The following ADARB2 variants were observed in gnomAD, a reference collection of about 807,000 sequenced individuals.
ADARB2 encodes adenosine deaminase RNA specific B2 (inactive).
In ADARB2, 25 loss-of-function variants were observed where a neutral mutation model predicts 62.2. That is an observed-to-expected ratio of 0.40 (90% CI 0.29 to 0.56). The LOEUF is 0.56. ADARB2 is among the 20% of genes least tolerant of loss of function. The pLI is 0.43. For synonymous variants in ADARB2, 572 were observed against 500.8 expected (o/e 1.14, Z -1.90); for missense variants, 1,071 against 1,077.4 (o/e 0.99, Z 0.08).
intron 1 of ADARB2, among the ~76,000 whole-genome samples, chr10:1,513,448 G>A (rs933223861): frequency 6.6e-6 from 1 of 152,160 alleles, no homozygotes; most frequent in Non-Finnish European, 1.5e-5. Flanking sequence ...TAGCGATGAC[G>A]GCCGTCCTCC....
chr10:1,396,456 G>A (rs1832614374), intron 1 of ADARB2, among the ~76,000 whole-genome samples: 1 of 152,142 alleles, frequency 6.6e-6, no homozygotes, highest in African/African-American at 2.4e-5. Flanking sequence ...ACAAAAAGTT[G>A]CCAGGCACGT....
intron 3 of ADARB2, among the ~76,000 whole-genome samples, chr10:1,297,237 T>G (rs1207670190): frequency 6.6e-6 from 1 of 151,724 alleles, no homozygotes; most frequent in Non-Finnish European, 1.5e-5. Context: ...GGAAGGGAGG[T>G]GTAGCCCCCG....
chr10:1,450,785 T>G (rs1223814818), intron 1 of ADARB2, among the ~76,000 whole-genome samples: 1 of 152,184 alleles, frequency 6.6e-6, no homozygotes, highest in Non-Finnish European at 1.5e-5. Context: ...TGCAGGAGCA[T>G]GCCTTGGTGT....
intron 1 of ADARB2, among the ~76,000 whole-genome samples, chr10:1,682,671 A>C (rs1228131480): frequency 6.6e-6 from 1 of 152,246 alleles, no homozygotes. Flanking sequence ...TGTCACTCAC[A>C]GCCTCCGTTA....
At chr10:1,624,891 A>T (rs985252779) in intron 1 of ADARB2, among the ~76,000 whole-genome samples, 1 of 152,228 alleles carries the variant, frequency 6.6e-6, no homozygotes, top group Admixed American at 6.5e-5. Flanking sequence ...AAAAAACTAA[A>T]GGTTAAATTA....
chr10:1,269,723 T>C (rs961650290), intron 4 of ADARB2, among the ~76,000 whole-genome samples: 2 of 152,194 alleles, frequency 1.3e-5, no homozygotes, highest in Non-Finnish European at 2.9e-5. Flanking sequence ...GGGCTGTGTC[T>C]CTTCCTCACA....
chr10:1,685,563 C>T (rs1287305051), intron 1 of ADARB2, among the ~76,000 whole-genome samples: 1 of 152,224 alleles, frequency 6.6e-6, no homozygotes, highest in Non-Finnish European at 1.5e-5. Flanking sequence ...TATAAATTCT[C>T]ATTCCCTCAT....
intron 1 of ADARB2, among the ~76,000 whole-genome samples, chr10:1,713,577 G>GAATACTCTTCTATTT (rs1834978786): frequency 1.3e-5 from 2 of 152,156 alleles, no homozygotes; most frequent in African/African-American, 4.8e-5. Flanking sequence ...AAAGAGCATT[G>GAATACTCTTCTATTT]GCAAAGCCAC....
intron 1 of ADARB2, among the ~76,000 whole-genome samples, chr10:1,656,642 G>T (rs913739603): frequency 6.6e-6 from 1 of 152,126 alleles, no homozygotes; most frequent in Admixed American, 6.5e-5. Context: ...TCATATTGGG[G>T]TGTTGGCTAT....
intron 1 of ADARB2, among the ~76,000 whole-genome samples, chr10:1,409,131 C>T (rs983986404): frequency 3.9e-5 from 6 of 152,022 alleles, no homozygotes; most frequent in African/African-American, 7.2e-5. Context: ...CCCTGAAGCA[C>T]GCTTGGCCCA....
intron 1 of ADARB2, among the ~76,000 whole-genome samples, chr10:1,486,210 CTG>C (rs61283089): frequency 0.066 from 9,434 of 142,112 alleles, 538 homozygotes; most frequent in African/African-American, 0.16. Context: ...GTGTGGACGC[CTG>C]TGTGTGTGTG....
chr10:1,317,557 A>G (rs1203912067), intron 3 of ADARB2, among the ~76,000 whole-genome samples: 2 of 152,208 alleles, frequency 1.3e-5, no homozygotes, highest in African/African-American at 4.8e-5. Flanking sequence ...ACTTCTGGGA[A>G]GACATCCCTT....
chr10:1,494,541 C>T (rs1333350353), intron 1 of ADARB2, among the ~76,000 whole-genome samples: 1 of 152,146 alleles, frequency 6.6e-6, no homozygotes, highest in Non-Finnish European at 1.5e-5. Context: ...CAATAACCCA[C>T]ACAATAGATT....
At chr10:1,433,093 A>T (rs1456225913) in intron 1 of ADARB2, among the ~76,000 whole-genome samples, 1 of 152,224 alleles carries the variant, frequency 6.6e-6, no homozygotes, top group African/African-American at 2.4e-5. Flanking sequence ...GTCAACTCCG[A>T]TGTAAGCTTT....
intron 3 of ADARB2, among the ~76,000 whole-genome samples, chr10:1,297,965 G>A (rs924503278): frequency 6.6e-6 from 1 of 152,208 alleles, no homozygotes; most frequent in African/African-American, 2.4e-5. Flanking sequence ...CCAGAGCTTT[G>A]AGAGAATAAA....
At chr10:1,649,527 T>C (rs1834085101) in intron 1 of ADARB2, among the ~76,000 whole-genome samples, 1 of 152,248 alleles carries the variant, frequency 6.6e-6, no homozygotes, top group Non-Finnish European at 1.5e-5. Flanking sequence ...TTTTCTGTTT[T>C]AACAGCTAGC....
rs545257275 is a variant in ADARB2, at chr10:1,227,799, T to A, written c.1513+5895A>T. ...AATATTTTTAAACACCAAATAAATT[T>A]TAGATTTTCAAACTGTCTTCAAAAG... On this transcript the variant is annotated intron_variant, in intron 6 of 9. Coordinates refer to ENST00000381312, the MANE Select transcript of ADARB2 (RefSeq NM_018702.4). Among the ~76,000 whole-genome samples the A allele has an allele frequency of 3.3e-5, 5 of 152,290 alleles. No individual in the cohort carries two copies. In the South Asian group the frequency reaches 1.0e-3, roughly 32 times the overall value.
intron 3 of ADARB2, among the ~76,000 whole-genome samples, chr10:1,273,793 C>T (rs1036246959): frequency 6.6e-6 from 1 of 152,220 alleles, no homozygotes; most frequent in African/African-American, 2.4e-5. Flanking sequence ...TCCTGCAGGG[C>T]GTGTGCTGCA....
intron 3 of ADARB2, among the ~76,000 whole-genome samples, chr10:1,286,623 A>G (rs907376236): frequency 6.6e-6 from 1 of 152,188 alleles, no homozygotes. Flanking sequence ...GAGTTCTGCC[A>G]CCACCTTCCC....
Sources: allele counts gnomAD v4.1 joint callset (sites outside exome capture counted in the v4.1 genomes callset), GRCh38; gene constraint gnomAD v4.1.1; transcripts MANE v1.5; gene names NCBI Gene and HGNC (gene_info 2026-07-23, HGNC 2026-07-21).